The following DOK6 variants were observed in gnomAD, a reference collection of about 807,000 sequenced individuals.
The protein encoded by DOK6 is docking protein 6.
A neutral mutation model predicts 44.0 loss-of-function variants in DOK6; 22 were observed. The observed-to-expected ratio is 0.50, with a 90% CI of 0.36 to 0.71. The LOEUF is 0.71. DOK6 is among the 30% of genes least tolerant of loss of function. The probability of loss-of-function intolerance (pLI) is 0.00; values close to 1 mark genes in which losing one functional copy is unlikely to be tolerated. For synonymous variants in DOK6, 166 were observed against 145.5 expected, an observed-to-expected ratio of 1.14 and a Z score of -1.01; for missense variants, 340 against 416.4, an observed-to-expected ratio of 0.82 and a Z score of 1.60.
At chr18:69,821,785 A>ATT (rs1394882414) in intron 7 of DOK6, among the ~76,000 whole-genome samples, 5 of 34,798 alleles carry the variant, frequency 1.4e-4, no homozygotes, top group Non-Finnish European at 2.0e-4. Flanking sequence ...ATAGCATGCT[A>ATT]TTGTTTTTTT....
chr18:69,698,685 C>A, intron 5 of DOK6, 92 bp downstream of exon 5: 1 of 1,277,508 alleles, frequency 7.8e-7, no homozygotes, highest in Non-Finnish European at 1.1e-6. Context: ...TCCATCATTG[C>A]CCCCAGTGAG....
chr18:69,570,461 G>C (rs1165556167), intron 2 of DOK6, among the ~76,000 whole-genome samples: 1 of 151,946 alleles, frequency 6.6e-6, no homozygotes, highest in East Asian at 1.9e-4. Context: ...GGACTTAAGG[G>C]ACAATTTCCT....
At chr18:69,521,005 A>T (rs2144564457) in intron 1 of DOK6, among the ~76,000 whole-genome samples, 1 of 152,046 alleles carries the variant, frequency 6.6e-6, no homozygotes, top group South Asian at 2.1e-4. Flanking sequence ...TGGTAATAAC[A>T]GTAAAGATTC....
intron 2 of DOK6, among the ~76,000 whole-genome samples, chr18:69,578,109 T>C (rs1287085609): frequency 6.6e-6 from 1 of 152,226 alleles, no homozygotes; most frequent in Admixed American, 6.5e-5. Flanking sequence ...GAAAAATACC[T>C]GTATCACTGA....
rs111360276 is a variant in DOK6, at chr18:69,774,133, GATAT to G, written c.856+16280_856+16283del. Reference sequence around the variant, plus strand: ...TAGATTTATATAGATATATATATGAGATATATATATATATATATATATAATGTAA... The same window carrying G: ...TAGATTTATATAGATATATATATGAGATATATATATATATATATAATGTAA... On this transcript the variant is annotated intron_variant, in intron 7 of 7. Transcript: ENST00000382713. 6.9e-4 allele frequency among the ~76,000 whole-genome samples: 46 copies of G among 66,894 alleles called. 3 individuals carry two copies. Among genetic ancestry groups the G allele is most frequent in the South Asian group, 2.2e-3 (3 of 1,388 alleles). 43.9% of individuals were successfully genotyped at this position (66,894 alleles called of 152,430 possible). A position where few individuals can be genotyped will look rare whatever the true frequency, so the allele number is the denominator to read the frequency against.
At chr18:69,678,015 G>A (rs532178765) in intron 4 of DOK6, among the ~76,000 whole-genome samples, 162 bp downstream of exon 4, 2 of 152,262 alleles carry the variant, frequency 1.3e-5, no homozygotes, top group South Asian at 4.1e-4. Context: ...TTGGGAGCCC[G>A]AGGGTGACCC....
At chr18:69,495,930 A>G (rs758128046) in intron 1 of DOK6, among the ~76,000 whole-genome samples, 2 of 152,224 alleles carry the variant, frequency 1.3e-5, no homozygotes, top group Non-Finnish European at 2.9e-5. Flanking sequence ...CTCAGCCCCA[A>G]CTTTTCTGAG....
chr18:69,622,806 G>T (rs912425798), intron 3 of DOK6, among the ~76,000 whole-genome samples: 1 of 152,132 alleles, frequency 6.6e-6, no homozygotes, highest in African/African-American at 2.4e-5. Flanking sequence ...AACAATTATT[G>T]ATCCTCTTGA....
chr18:69,417,056 A>C (rs1978360030), intron 1 of DOK6, among the ~76,000 whole-genome samples: 2 of 152,154 alleles, frequency 1.3e-5, no homozygotes, highest in African/African-American at 4.8e-5. Context: ...CACCTCAAAC[A>C]GTTTTCATTT....
At chr18:69,671,857 G>A (rs985167639) in intron 3 of DOK6, among the ~76,000 whole-genome samples, 4 of 152,114 alleles carry the variant, frequency 2.6e-5, no homozygotes, top group Non-Finnish European at 5.9e-5. Flanking sequence ...CCATATCCAG[G>A]TGCAGTTCTA....
intron 4 of DOK6, among the ~76,000 whole-genome samples, chr18:69,689,304 A>G (rs1233944944): frequency 6.6e-6 from 1 of 152,252 alleles, no homozygotes; most frequent in African/African-American, 2.4e-5. Context: ...AGATATGAAC[A>G]TTCCATTATA....
chr18:69,795,362 T>G (rs1173533290), intron 7 of DOK6, among the ~76,000 whole-genome samples: 1 of 152,186 alleles, frequency 6.6e-6, no homozygotes, highest in African/African-American at 2.4e-5. Context: ...GAATATGTTT[T>G]ACAATGGGCA....
intron 1 of DOK6, among the ~76,000 whole-genome samples, chr18:69,520,400 G>A (rs1264374724): frequency 2.6e-5 from 4 of 151,768 alleles, no homozygotes; most frequent in African/African-American, 9.7e-5. Context: ...ATGTCAGTGT[G>A]TATGTTTTTT....
chr18:69,646,538 G>A (rs1347850238), intron 3 of DOK6, among the ~76,000 whole-genome samples: 2 of 152,096 alleles, frequency 1.3e-5, no homozygotes, highest in African/African-American at 4.8e-5. Flanking sequence ...GTAAATTCAG[G>A]GATATAGAGT....
chr18:69,790,997 T>TTTAGCTCCCACAACTAAGTAAGATC (rs1980580203), intron 7 of DOK6, among the ~76,000 whole-genome samples: 1 of 151,666 alleles, frequency 6.6e-6, no homozygotes, highest in African/African-American at 2.4e-5. Flanking sequence ...TATTTTAATT[T>TTTAGCTCCCACAACTAAGTAAGATC]TTAGCTCCCA....
At chr18:69,613,251 A>G (rs576439228) in intron 3 of DOK6, among the ~76,000 whole-genome samples, 13 of 152,074 alleles carry the variant, frequency 8.5e-5, no homozygotes, top group African/African-American at 2.6e-4. Flanking sequence ...CGTGCTGCGT[A>G]TGTGTGTGTG....
At chr18:69,784,676 A>C (rs941463738) in intron 7 of DOK6, among the ~76,000 whole-genome samples, 2 of 152,142 alleles carry the variant, frequency 1.3e-5, no homozygotes, top group South Asian at 4.1e-4. Flanking sequence ...GATATTCCTA[A>C]GCACTTATCA....
At chr18:69,687,476 G>C (rs1986177135) in intron 4 of DOK6, among the ~76,000 whole-genome samples, 2 of 152,184 alleles carry the variant, frequency 1.3e-5, no homozygotes, top group African/African-American at 4.8e-5. Flanking sequence ...TAAGTCAGGA[G>C]TTCGAGACCA....
In DOK6 at chr18:69,739,073, A is replaced by G; in HGVS notation, c.708A>G (p.Arg236=). The G allele has an allele frequency of 6.2e-7, 1 of 1,614,088 alleles. No homozygotes were observed. Among genetic ancestry groups the G allele is most frequent in the South Asian group, 1.1e-5 (1 of 91,084 alleles). The change falls in exon 6 of 8, where the codon AGA becomes AGG. Residue 236 remains arginine, a synonymous_variant. Coordinates refer to ENST00000382713, the MANE Select transcript of DOK6 (RefSeq NM_152721.6). The part of the protein sequence containing the change: ...ATLAIAEQHE[R]LMLEMEQKAR... ...TGGCCATAGCTGAGCAACATGAAAGATTAATGCTAGAAATGGAACAGAAGG... is the reference window on the plus strand; with the variant it reads ...TGGCCATAGCTGAGCAACATGAAAGGTTAATGCTAGAAATGGAACAGAAGG...
Sources: allele counts gnomAD v4.1 joint callset (sites outside exome capture counted in the v4.1 genomes callset), GRCh38; gene constraint gnomAD v4.1.1; transcripts MANE v1.5; gene names NCBI Gene and HGNC (gene_info 2026-07-23, HGNC 2026-07-21).